RAD54L2: variants seen among roughly 807,000 people sequenced by gnomAD.
RAD54L2 encodes the protein RAD54 like 2.
RAD54L2 carries 27 observed loss-of-function variants against 138.4 expected under a neutral mutation model. The ratio of observed to expected loss-of-function variants is 0.20; its 90% CI spans 0.14 to 0.27. The LOEUF (loss-of-function observed/expected upper bound fraction) is 0.27, where lower values mean the gene tolerates loss of function less well. RAD54L2 is among the 10% of genes least tolerant of loss of function. RAD54L2 has a pLI of 1.00. For missense variants in RAD54L2, 1,396 were observed against 1,890.2 expected, an observed-to-expected ratio of 0.74 and a Z score of 4.85; for synonymous variants, 644 against 723.2, an observed-to-expected ratio of 0.89 and a Z score of 1.76.
intron 3 of RAD54L2, among the ~76,000 whole-genome samples, chr3:51,620,820 A>G (rs1700555207): frequency 6.6e-6 from 1 of 152,202 alleles, no homozygotes; most frequent in African/African-American, 2.4e-5. Context: ...TGACTTTTAA[A>G]CTATGCAGAT....
intron 2 of RAD54L2, among the ~76,000 whole-genome samples, chr3:51,555,449 C>T (rs1335304812): frequency 2.0e-5 from 3 of 151,994 alleles, no homozygotes; most frequent in Non-Finnish European, 4.4e-5. Flanking sequence ...CCTGTCTCTA[C>T]AAAAAATACA....
At chr3:51,593,658 C>T (rs1245181088) in intron 3 of RAD54L2, among the ~76,000 whole-genome samples, 2 of 152,126 alleles carry the variant, frequency 1.3e-5, no homozygotes, top group African/African-American at 4.8e-5. Context: ...TTTGAAGTTT[C>T]ATCTCTACTG....
intron 2 of RAD54L2, among the ~76,000 whole-genome samples, chr3:51,550,693 A>G (rs1042230295): frequency 2.6e-5 from 4 of 152,118 alleles, no homozygotes; most frequent in Admixed American, 1.3e-4. Flanking sequence ...GTGAGCTGCA[A>G]TTGTGCCACT....
Position 51,662,581 on chromosome 3 carries a change from C to G in RAD54L2, c.3565C>G (p.Arg1189Gly), listed in dbSNP as rs772693904. 67 of 1,613,484 alleles carry G rather than the reference C, an allele frequency of 4.2e-5. No homozygotes were observed. The highest frequency in any genetic ancestry group is 5.4e-5 in the Non-Finnish European group (64 of 1,179,764). Residue 1189 changes from arginine to glycine, a missense_variant, in exon 23 of 23, where the codon CGG becomes GGG. Arg to Gly is a moderately radical substitution (Grantham distance 125). Around this residue, in one of 7 missense-constraint regions of RAD54L2, gnomAD observed 634 missense variants for 711.2 expected, o/e 0.89. Transcript: ENST00000684192. This position sits in a 1 kb window ranked among gnomAD's most constrained non-coding sequence, Gnocchi z 4.6. Reference sequence around the variant, plus strand: ...GCAGTATGCAGATGTGGCTGCTGCCCGGGAATCCCGTCAGAGCTCCCCAAG... The same window carrying G: ...GCAGTATGCAGATGTGGCTGCTGCCGGGGAATCCCGTCAGAGCTCCCCAAG... ...LQQYADVAAA[R>G]ESRQSSPSTN...
intron 2 of RAD54L2, among the ~76,000 whole-genome samples, chr3:51,578,692 G>A (rs529085039): frequency 6.6e-6 from 1 of 152,180 alleles, no homozygotes; most frequent in Non-Finnish European, 1.5e-5. Flanking sequence ...GCTTTTGGGC[G>A]CTGGGAAGAG....
At chr3:51,612,481 C>CA (rs774867976) in intron 3 of RAD54L2, among the ~76,000 whole-genome samples, 24 of 152,012 alleles carry the variant, frequency 1.6e-4, no homozygotes, top group East Asian at 5.8e-4. Context: ...CAAAACAAAA[C>CA]AAACAAACAA....
chr3:51,609,096 G>C (rs1700273563), intron 3 of RAD54L2, among the ~76,000 whole-genome samples: 1 of 152,094 alleles, frequency 6.6e-6, no homozygotes, highest in Admixed American at 6.5e-5. Flanking sequence ...TCACCATGTT[G>C]GCTAGGCTGG....
chr3:51,633,851 G>C (rs1403267760), intron 8 of RAD54L2, 51 bp from the exon 9 acceptor site: 1 of 1,606,644 alleles, frequency 6.2e-7, no homozygotes, highest in Non-Finnish European at 8.5e-7. Flanking sequence ...GATGAGCTCA[G>C]CTCTGAGTTT....
intron 21 of RAD54L2, among the ~76,000 whole-genome samples, chr3:51,659,110 T>G (rs1020962870): frequency 7.0e-6 from 1 of 142,244 alleles, no homozygotes; most frequent in Non-Finnish European, 1.5e-5. Flanking sequence ...TTTTTTTTTT[T>G]TTTTTTTTTT....
At chr3:51,572,275 CG>C (rs1699353367) in intron 2 of RAD54L2, among the ~76,000 whole-genome samples, 2 of 152,000 alleles carry the variant, frequency 1.3e-5, no homozygotes, top group South Asian at 4.2e-4. Flanking sequence ...ATGGTGAAAG[CG>C]CCCCCGTTTC....
intron 2 of RAD54L2, among the ~76,000 whole-genome samples, chr3:51,553,570 T>C (rs1008570499): frequency 1.3e-5 from 2 of 152,356 alleles, no homozygotes; most frequent in East Asian, 3.8e-4. Context: ...CTTATGTCCG[T>C]AATTCCAGTA....
At chr3:51,608,406 C>T (rs1323810027) in intron 3 of RAD54L2, among the ~76,000 whole-genome samples, 1 of 152,154 alleles carries the variant, frequency 6.6e-6, no homozygotes, top group Admixed American at 6.5e-5. Flanking sequence ...AGAGACGCTC[C>T]TCACTTCCTA....
At chr3:51,542,449 C>CT (rs869048851) in intron 2 of RAD54L2, among the ~76,000 whole-genome samples, 171 of 142,790 alleles carry the variant, frequency 1.2e-3, no homozygotes, top group Middle Eastern at 3.7e-3. Context: ...TTGAGGTTGT[C>CT]TTTTTTTTTT....
At chr3:51,649,325 T>C (rs1481120233) in intron 19 of RAD54L2, among the ~76,000 whole-genome samples, 3 of 152,194 alleles carry the variant, frequency 2.0e-5, no homozygotes, top group Non-Finnish European at 4.4e-5. Flanking sequence ...CTACGTTTGA[T>C]TGGTGTACCT....
chr3:51,638,310 G>A lies in RAD54L2; in HGVS notation c.1849G>A (p.Val617Met). The A allele has an allele frequency of 6.2e-7, 1 of 1,613,876 alleles. No homozygotes were observed. The highest frequency in any genetic ancestry group is 8.5e-7 in the Non-Finnish European group (1 of 1,179,876). ...GCTGAACCCCCTTAAGGCATTCTGT[G>A]TGTGTTGCAAGGTGCATTGGGGCCT... ...LGLNPLKAFC[V>M]CCKIWNHPDV... Residue 617 changes from valine (V) to methionine (M), a missense_variant, in exon 12 of 23, where the codon GTG becomes ATG. This residue lies in a region of RAD54L2 where 211 missense variants were observed against 273.8 expected (regional missense o/e 0.77). Coordinates refer to ENST00000684192, the MANE Select transcript of RAD54L2 (RefSeq NM_015106.4). This position sits in a 1 kb window ranked among gnomAD's most constrained non-coding sequence, Gnocchi z 4.3.
chr3:51,640,737 G>A (rs1446973414), intron 14 of RAD54L2, among the ~76,000 whole-genome samples: 1 of 152,224 alleles, frequency 6.6e-6, no homozygotes, highest in Non-Finnish European at 1.5e-5. Context: ...TATCTTGGAA[G>A]CAGTCGAGTG....
rs1700810150 is a variant in RAD54L2, at chr3:51,630,536, T to A, written c.598+148T>A. On this transcript the variant is annotated intron_variant, in intron 6 of 22. Coordinates refer to ENST00000684192, the MANE Select transcript of RAD54L2 (RefSeq NM_015106.4). ...TGTGTCTCCTTGGTAAATATAAGTT[T>A]TTTGCTTGTCTTAACTTGAAGCTGA... 5.1e-6 allele frequency: 5 copies of A among 987,438 alleles called. No individual in the cohort carries two copies. In the Admixed American group the frequency reaches 8.3e-5, roughly 16 times the overall value. 61.2% of individuals were successfully genotyped at this position (987,438 alleles called of 1,614,324 possible).
chr3:51,591,017 A>T (rs995655179), intron 3 of RAD54L2, among the ~76,000 whole-genome samples: 1 of 152,202 alleles, frequency 6.6e-6, no homozygotes, highest in Non-Finnish European at 1.5e-5. Flanking sequence ...AGAGATTCTT[A>T]GACAGATTCA....
At chr3:51,565,127 A>G (rs1699184889) in intron 2 of RAD54L2, among the ~76,000 whole-genome samples, 2 of 152,236 alleles carry the variant, frequency 1.3e-5, no homozygotes, top group Non-Finnish European at 2.9e-5. Context: ...CTAGAATGTC[A>G]GGAACATACC....
Sources: allele counts gnomAD v4.1 joint callset (sites outside exome capture counted in the v4.1 genomes callset), GRCh38; gene constraint gnomAD v4.1.1; regional missense constraint gnomAD v4.1.1; non-coding constraint Gnocchi (gnomAD v3.1); transcripts MANE v1.5; gene names NCBI Gene and HGNC (gene_info 2026-07-23, HGNC 2026-07-21).